PRSS27: variants seen among roughly 807,000 people sequenced by gnomAD.
PRSS27 encodes the protein channel-activating protease 2.
PRSS27 carries 25 observed loss-of-function variants against 32.0 expected under a neutral mutation model. The ratio of observed to expected loss-of-function variants is 0.78; its 90% CI spans 0.57 to 1.09. The LOEUF (loss-of-function observed/expected upper bound fraction) is 1.09. Ranked by LOEUF, PRSS27 falls within the 50% of genes least tolerant of loss-of-function variation. The probability of loss-of-function intolerance (pLI) is 0.00; values close to 1 mark genes in which losing one functional copy is unlikely to be tolerated. For missense variants in PRSS27, 401 were observed against 394.9 expected, an observed-to-expected ratio of 1.02 and a Z score of -0.13; for synonymous variants, 178 against 172.2, an observed-to-expected ratio of 1.03 and a Z score of -0.26.
Position 2,716,749 on chromosome 16 carries a change from G to C in PRSS27, c.47-223C>G, listed in dbSNP as rs2067704755. 5.2e-6 allele frequency: 3 copies of C among 573,306 alleles called. No individual in the cohort carries two copies. In the South Asian group the frequency reaches 6.6e-5, roughly 13 times the overall value. 35.5% of individuals were successfully genotyped at this position (573,306 alleles called of 1,614,324 possible). On this transcript the variant is annotated intron_variant, in intron 1 of 5. Transcript: ENST00000302641. ...CCCATGGGCCACAGCTTATCTGCAA[G>C]GGTGGATGCTCCTTGCCACATGGGG...
At chr16:2,713,393 C>G in intron 5 of PRSS27, 136 bp downstream of exon 5, 1 of 947,232 alleles carries the variant, frequency 1.1e-6, no homozygotes, top group Non-Finnish European at 1.7e-6. Context: ...CCACCACACC[C>G]GGCCCTGGAA....
chr16:2,712,706 T>C lies in PRSS27; in HGVS notation c.787A>G (p.Ile263Val). 2 of 1,597,294 alleles carry C rather than the reference T, an allele frequency of 1.3e-6. No homozygotes were observed. The highest frequency in any genetic ancestry group is 1.7e-6 in the Non-Finnish European group (2 of 1,172,104). Residue 263 changes from isoleucine to valine, a missense_variant, in exon 6 of 6, where the codon ATC (isoleucine) becomes GTC (valine). Coordinates refer to ENST00000302641, the MANE Select transcript of PRSS27 (RefSeq NM_031948.5). The surrounding 1 kb of genome is among the most constrained non-coding windows in gnomAD (Gnocchi z 4.6). ...CAGTTGTGGTGGGCGGTGACACGGA[T>C]GTAGACACCTGGGCGGTTCTGGCGG... ...CARQNRPGVY[I>V]RVTAHHNWIH... is the part of the protein sequence containing the mutation.
Position 2,715,730 on chromosome 16 carries a change from T to A in PRSS27, c.224A>T (p.His75Leu). The change falls in exon 3 of 6, where the codon CAC (histidine) becomes CTC (leucine). Residue 75 changes from histidine to leucine, a missense_variant. Physicochemically the swap from His to Leu is moderately conservative, Grantham distance 99 (BLOSUM62 -3). Coordinates refer to ENST00000302641, the MANE Select transcript of PRSS27 (RefSeq NM_031948.5). ...IAEQWVLTAA[H>L]CFRNTSETSL... ...CGGGCGGACTCACTTGCGGAAGCAG[T>A]GCGCAGCCGTCAGGACCCACTGCTC... 1 of 1,550,076 alleles carries A rather than the reference T, an allele frequency of 6.5e-7. No individual in the cohort carries two copies. The highest frequency in any genetic ancestry group is 8.7e-7 in the Non-Finnish European group (1 of 1,152,392).
At chr16:2,716,573 C>G (rs1414577868) in intron 1 of PRSS27, 47 bp from the exon 2 acceptor site, 1 of 1,565,864 alleles carries the variant, frequency 6.4e-7, no homozygotes. Context: ...GCAGCCTGGC[C>G]TGCCCTCCCC....
chr16:2,713,106 T>C (rs1166326664), intron 5 of PRSS27: 3 of 498,038 alleles, frequency 6.0e-6, no homozygotes, highest in South Asian at 6.2e-5. Context: ...TTTTTCTTTT[T>C]TTTTTTTATT....
In PRSS27 at chr16:2,717,663, A is replaced by G. The variant is rs1476027441; in HGVS notation, c.47-1137T>C. On this transcript the variant is annotated intron_variant, in intron 1 of 5. Transcript: ENST00000302641. The surrounding 1 kb of genome is among the most constrained non-coding windows in gnomAD (Gnocchi z 4.1). ...CATGTCTTCACTCTGCCCGGAAAAG[A>G]TAACCAGTCCCCTGGAGTTGAGGGG... 6.6e-6 allele frequency: 1 copy of G among 152,308 alleles called. No individual in the cohort carries two copies. The highest frequency in any genetic ancestry group is 1.5e-5 in the Non-Finnish European group (1 of 68,142). 9.4% of individuals were successfully genotyped at this position (152,308 alleles called of 1,614,324 possible).
At chr16:2,719,933 C>T (rs996317285) in intron 1 of PRSS27, among the ~76,000 whole-genome samples, 182 bp downstream of exon 1, 2 of 152,330 alleles carry the variant, frequency 1.3e-5, no homozygotes, top group East Asian at 1.9e-4. Context: ...TGCCTCCCCA[C>T]TTTGGACTCC....
chr16:2,713,039 T>G (rs1468107170), intron 5 of PRSS27: 2 of 543,038 alleles, frequency 3.7e-6, no homozygotes, highest in Non-Finnish European at 6.5e-6. Flanking sequence ...CAGTTTCTTG[T>G]GCCCCACCCC....
intron 5 of PRSS27, chr16:2,713,134 T>C (rs569522729): frequency 2.5e-5 from 12 of 473,490 alleles, no homozygotes; most frequent in Middle Eastern, 5.8e-4. Context: ...AGTCTTGCTC[T>C]GTGGCCCAGG....
chr16:2,713,760 G>A (rs1055685101), intron 4 of PRSS27, 62 bp from the exon 5 acceptor site: 48 of 1,555,056 alleles, frequency 3.1e-5, no homozygotes, highest in East Asian at 4.6e-5. Flanking sequence ...CCACGGCCCC[G>A]GGAACCACCA....
At chr16:2,719,986 G>C in intron 1 of PRSS27, 129 bp downstream of exon 1, 1 of 855,224 alleles carries the variant, frequency 1.2e-6, no homozygotes, top group Non-Finnish European at 1.8e-6. Context: ...TCAGGGGCAG[G>C]AGGGATGATG....
rs923475222 is a variant in PRSS27 at position 2,714,738 on chromosome 16, G to A, written c.237-402C>T. The A allele has an allele frequency of 2.4e-5, 6 of 247,064 alleles. No individual in the cohort carries two copies. Among genetic ancestry groups the A allele is most frequent in the South Asian group, 1.3e-4 (3 of 22,542 alleles). 15.3% of individuals were successfully genotyped at this position (247,064 alleles called of 1,614,324 possible). ...CTGCCCTCTCTCAGCCCGAGTTTCCGATTTTTTTTTTCCCCTAGAGACAGA... is the reference window on the plus strand; with the variant it reads ...CTGCCCTCTCTCAGCCCGAGTTTCCAATTTTTTTTTTCCCCTAGAGACAGA... On this transcript the variant is annotated intron_variant, in intron 3 of 5. Coordinates refer to ENST00000302641, the MANE Select transcript of PRSS27 (RefSeq NM_031948.5). This position sits in a 1 kb window ranked among gnomAD's most constrained non-coding sequence, Gnocchi z 4.7.
chr16:2,716,872 G>C (rs1233003338), intron 1 of PRSS27: 1 of 344,554 alleles, frequency 2.9e-6, no homozygotes, highest in Non-Finnish European at 5.5e-6. Context: ...ACCCATCCTT[G>C]TCTGGAAGTT....
In PRSS27 at chr16:2,712,755, C is replaced by A; in HGVS notation, c.738G>T (p.Val246=). The change falls in exon 6 of 6, where the codon GTG becomes GTT. Residue 246 remains valine (V), a synonymous_variant. Coordinates refer to ENST00000302641, the MANE Select transcript of PRSS27 (RefSeq NM_031948.5). The surrounding 1 kb of genome is among the most constrained non-coding windows in gnomAD (Gnocchi z 4.6). ...LVGQSWLQAG[V]ISWGEGCARQ... Reference sequence around the variant, plus strand: ...GGGCACAGCCCTCACCCCAGCTGATCACCCCCGCCTGCAGCCACGACTGAC... The same window carrying A: ...GGGCACAGCCCTCACCCCAGCTGATAACCCCCGCCTGCAGCCACGACTGAC... The A allele has an allele frequency of 6.3e-7, 1 of 1,587,120 alleles. No homozygotes were observed. The highest frequency in any genetic ancestry group is 8.6e-7 in the Non-Finnish European group (1 of 1,166,416).
chr16:2,716,027 G>A, intron 2 of PRSS27, 147 bp from the exon 3 acceptor site: 1 of 657,682 alleles, frequency 1.5e-6, no homozygotes, highest in Non-Finnish European at 2.5e-6. Context: ...CTGGGCTTCG[G>A]GGCAGTCTGG....
chr16:2,719,926 C>G (rs900554431), intron 1 of PRSS27, among the ~76,000 whole-genome samples, 189 bp downstream of exon 1: 1 of 152,206 alleles, frequency 6.6e-6, no homozygotes, highest in Admixed American at 6.5e-5. Flanking sequence ...CCCACCCTGC[C>G]TCCCCACTTT....
In PRSS27 at chr16:2,714,233, G is replaced by C. The variant is rs752136495; in HGVS notation, c.340C>G (p.Pro114Ala). Reference protein sequence around the residue: ...YARVRQVESNPLYQGTASSAD... With the variant: ...YARVRQVESNALYQGTASSAD... ...CTGGAGGCCGTGCCCTGGTACAGGG[G>C]GTTGCTCTCCACCTGCCTCACCCGG... The change falls in exon 4 of 6, where the codon CCC (proline) becomes GCC (alanine). Residue 114 changes from proline (P) to alanine (A), a missense_variant. Coordinates refer to ENST00000302641, the MANE Select transcript of PRSS27 (RefSeq NM_031948.5). The surrounding 1 kb of genome is among the most constrained non-coding windows in gnomAD (Gnocchi z 4.7). 5.6e-6 allele frequency: 9 copies of C among 1,613,718 alleles called. No homozygotes were observed. The highest frequency in any genetic ancestry group is 7.6e-6 in the Non-Finnish European group (9 of 1,179,912).
chr16:2,712,727 G>C lies in PRSS27; in HGVS notation c.766C>G (p.Gln256Glu), dbSNP rs1295652418. The change falls in exon 6 of 6, where the codon CAG (glutamine) becomes GAG (glutamate). Residue 256 changes from glutamine to glutamate, a missense_variant. Gln to Glu is a conservative substitution (Grantham distance 29). Coordinates refer to ENST00000302641, the MANE Select transcript of PRSS27 (RefSeq NM_031948.5). The surrounding 1 kb of genome is among the most constrained non-coding windows in gnomAD (Gnocchi z 4.6). The stretch of plus-strand genomic sequence containing the variant: ...CGGATGTAGACACCTGGGCGGTTCT[G>C]GCGGGCACAGCCCTCACCCCAGCTG... Reference protein sequence around the residue: ...VISWGEGCARQNRPGVYIRVT... With the variant: ...VISWGEGCARENRPGVYIRVT... 1 of 1,589,270 alleles carries C rather than the reference G, an allele frequency of 6.3e-7. No homozygotes were observed. The highest frequency in any genetic ancestry group is 8.6e-7 in the Non-Finnish European group (1 of 1,167,850).
At chr16:2,713,327 T>C in intron 5 of PRSS27, 2 of 618,190 alleles carry the variant, frequency 3.2e-6, no homozygotes, top group Middle Eastern at 3.0e-4. Flanking sequence ...CTCCATCTCC[T>C]GACCTTGTGA....
Sources: gnomAD v4.1 joint callset for allele counts (sites outside exome capture counted in the v4.1 genomes callset) on GRCh38, gnomAD v4.1.1 for gene constraint, Gnocchi (gnomAD v3.1) non-coding constraint, MANE v1.5 for transcripts, NCBI Gene and HGNC (gene_info 2026-07-23, HGNC 2026-07-21) for gene names.